The following SEMA6D variants were observed in gnomAD, a reference collection of about 807,000 sequenced individuals.
SEMA6D encodes the protein semaphorin-6D.
Under a neutral mutation model 106.6 loss-of-function variants are expected in SEMA6D, and 35 were observed. That is an observed-to-expected ratio of 0.33 (90% CI 0.25 to 0.44). The LOEUF is 0.44. Ranked by LOEUF, SEMA6D falls within the 20% of genes least tolerant of loss-of-function variation. The pLI is 1.00. For synonymous variants in SEMA6D, 499 were observed against 487.7 expected (o/e 1.02, Z -0.31); for missense variants, 1,185 against 1,345.9 (o/e 0.88, Z 1.87).
rs2082696389 is a variant in SEMA6D, at chr15:47,772,915, AG to A, written c.*1132del. 1 of 152,002 alleles carries A rather than the reference AG, an allele frequency of 6.6e-6. No homozygotes were observed. The highest frequency in any genetic ancestry group is 1.5e-5 in the Non-Finnish European group (1 of 67,982). The allele number at this position is 152,002 out of a possible 1,614,324, so 9.4% of individuals were successfully genotyped here. The stretch of plus-strand genomic sequence containing the variant: ...AGAAGACAAAAGAAAGACATATGAA[AG>A]GAATTGTAATTGGCTTAACAGAAAC... On this transcript the variant is annotated 3_prime_UTR_variant, in exon 19 of 19. Coordinates refer to ENST00000536845, the MANE Select transcript of SEMA6D (RefSeq NM_001358351.3).
At chr15:47,733,321 T>A (rs577914052) in intron 1 of SEMA6D, among the ~76,000 whole-genome samples, 128 of 152,320 alleles carry the variant, frequency 8.4e-4, no homozygotes, top group African/African-American at 2.6e-3. Context: ...AATAAATCAG[T>A]CCTAAGACAT....
At chr15:47,580,513 T>C (rs1272796272) in intron 3 of SEMA6D, among the ~76,000 whole-genome samples, 1 of 152,174 alleles carries the variant, frequency 6.6e-6, no homozygotes, top group Non-Finnish European at 1.5e-5. Flanking sequence ...TTGAAACCCT[T>C]CTTATTCTAT....
chr15:47,196,849 T>C (rs1270162876), intron 1 of SEMA6D, among the ~76,000 whole-genome samples: 1 of 152,186 alleles, frequency 6.6e-6, no homozygotes, highest in African/African-American at 2.4e-5. Context: ...ACACATAATA[T>C]CAATTATAGA....
chr15:47,736,794 G>T (rs1325063967), intron 1 of SEMA6D, among the ~76,000 whole-genome samples: 1 of 152,126 alleles, frequency 6.6e-6, no homozygotes, highest in African/African-American at 2.4e-5. Flanking sequence ...AAATATTCAA[G>T]TACACAATTG....
At position 47,367,692 on chromosome 15, in the gene SEMA6D, G is replaced by GCACACA. The variant is rs72057750; in HGVS notation, c.-238-44670_-238-44665dup. ...CGCACGCTCACACGCGCGCGCGCGC[G>GCACACA]CACACACACACACACACACACACAC... is the stretch of plus-strand genomic sequence containing the variant. On this transcript the variant is annotated intron_variant, in intron 1 of 19. Coordinates refer to the SEMA6D transcript ENST00000558014. Among the ~76,000 whole-genome samples, 158 of 73,492 alleles carry GCACACA rather than the reference G, an allele frequency of 2.1e-3. 1 individual carries two copies. The highest frequency in any genetic ancestry group is 7.2e-3 in the Middle Eastern group (1 of 138). 48.2% of individuals were successfully genotyped at this position (73,492 alleles called of 152,430 possible). A position where few individuals can be genotyped will look rare whatever the true frequency, so the allele number is the denominator to read the frequency against.
At chr15:47,303,973 C>T (rs1316137442) in intron 1 of SEMA6D, among the ~76,000 whole-genome samples, 1 of 152,138 alleles carries the variant, frequency 6.6e-6, no homozygotes, top group African/African-American at 2.4e-5. Flanking sequence ...AGTCAGAACA[C>T]ACGGATAACT....
At chr15:47,580,773 A>G (rs917450004) in intron 3 of SEMA6D, among the ~76,000 whole-genome samples, 1 of 152,220 alleles carries the variant, frequency 6.6e-6, no homozygotes, top group South Asian at 2.1e-4. Context: ...AACAAATGCT[A>G]TCAGATCCCC....
intron 4 of SEMA6D, among the ~76,000 whole-genome samples, chr15:47,671,560 G>A (rs569069582): frequency 1.3e-4 from 20 of 152,222 alleles, no homozygotes; most frequent in African/African-American, 4.8e-4. Flanking sequence ...CGTATTCGGG[G>A]ACTACAAATG....
chr15:47,556,558 AT>A (rs1485713601), intron 3 of SEMA6D, among the ~76,000 whole-genome samples: 7 of 151,750 alleles, frequency 4.6e-5, no homozygotes, highest in East Asian at 3.9e-4. Flanking sequence ...CCTTCCTAGT[AT>A]TTTTTTCTAT....
intron 3 of SEMA6D, among the ~76,000 whole-genome samples, chr15:47,526,317 A>G (rs1308968586): frequency 6.6e-6 from 1 of 152,132 alleles, no homozygotes; most frequent in East Asian, 1.9e-4. Flanking sequence ...CTCATGTACT[A>G]TAATTGAGAG....
At chr15:47,472,921 A>G (rs893951513) in intron 3 of SEMA6D, among the ~76,000 whole-genome samples, 1 of 152,188 alleles carries the variant, frequency 6.6e-6, no homozygotes, top group Non-Finnish European at 1.5e-5. Flanking sequence ...CAGATAATAG[A>G]GCAAATGACA....
chr15:47,264,733 G>C (rs550279705), intron 1 of SEMA6D, among the ~76,000 whole-genome samples: 33 of 152,084 alleles, frequency 2.2e-4, no homozygotes, highest in South Asian at 1.0e-3. Context: ...GATGCTACCT[G>C]TGGGTTTTTC....
At chr15:47,547,040 A>G (rs1189074367) in intron 3 of SEMA6D, among the ~76,000 whole-genome samples, 1 of 151,940 alleles carries the variant, frequency 6.6e-6, no homozygotes, top group African/African-American at 2.4e-5. Flanking sequence ...AATACACACA[A>G]ACACACAGAT....
chr15:47,300,797 G>A (rs2035989417), intron 1 of SEMA6D, among the ~76,000 whole-genome samples: 2 of 152,152 alleles, frequency 1.3e-5, no homozygotes, highest in African/African-American at 4.8e-5. Flanking sequence ...GTCCCCAAAG[G>A]CTAGGCTTAG....
chr15:47,679,800 G>T (rs2078314930), intron 4 of SEMA6D, among the ~76,000 whole-genome samples: 1 of 152,104 alleles, frequency 6.6e-6, no homozygotes, highest in African/African-American at 2.4e-5. Context: ...AAGCATTTTT[G>T]CAATCTTTGG....
chr15:47,222,597 A>G (rs1186330114), intron 1 of SEMA6D, among the ~76,000 whole-genome samples: 1 of 152,178 alleles, frequency 6.6e-6, no homozygotes, highest in Non-Finnish European at 1.5e-5. Context: ...CTGTACCATC[A>G]AGAAGGTACA....
At chr15:47,752,830 G>A (rs1174237884) in intron 1 of SEMA6D, among the ~76,000 whole-genome samples, 2 of 151,930 alleles carry the variant, frequency 1.3e-5, no homozygotes, top group African/African-American at 4.8e-5. Context: ...CCAACATGAT[G>A]AAACCCCACC....
intron 1 of SEMA6D, among the ~76,000 whole-genome samples, chr15:47,734,924 T>C (rs1425354364): frequency 6.6e-6 from 1 of 152,208 alleles, no homozygotes; most frequent in African/African-American, 2.4e-5. Flanking sequence ...GTTTTTAAAA[T>C]ATAAAATCAA....
chr15:47,310,027 A>T (rs920439344), intron 1 of SEMA6D, among the ~76,000 whole-genome samples: 1 of 152,210 alleles, frequency 6.6e-6, no homozygotes, highest in Non-Finnish European at 1.5e-5. Context: ...AGAAAAGGGA[A>T]CATGGTTCAT....
Sources: gnomAD v4.1 joint callset for allele counts (sites outside exome capture counted in the v4.1 genomes callset) on GRCh38, gnomAD v4.1.1 for gene constraint, MANE v1.5 for transcripts, NCBI Gene and HGNC (gene_info 2026-07-23, HGNC 2026-07-21) for gene names.